PTBP3: variants seen among roughly 807,000 people sequenced by gnomAD.
The protein encoded by PTBP3 is polypyrimidine tract-binding protein 3.
PTBP3 carries 20 observed loss-of-function variants against 58.7 expected under a neutral mutation model. That is an observed-to-expected ratio of 0.34 (90% CI 0.24 to 0.50). The LOEUF (loss-of-function observed/expected upper bound fraction) is 0.50. Ranked by LOEUF, PTBP3 falls within the 20% of genes least tolerant of loss-of-function variation. The pLI is 0.98. For synonymous variants in PTBP3, 185 were observed against 219.8 expected (o/e 0.84, Z 1.40); for missense variants, 509 against 637.2 (o/e 0.80, Z 2.17).
chr9:112,243,386 CA>C (rs1489066233), intron 7 of PTBP3, among the ~76,000 whole-genome samples: 7 of 151,892 alleles, frequency 4.6e-5, no homozygotes, highest in South Asian at 4.2e-4. Context: ...ACTAAAAATT[CA>C]AAAAATTAGC....
chr9:112,258,392 T>C (rs1410160265), intron 5 of PTBP3, among the ~76,000 whole-genome samples: 2 of 152,190 alleles, frequency 1.3e-5, no homozygotes, highest in Non-Finnish European at 2.9e-5. Context: ...ACACCTACGC[T>C]GAAGGTTCCC....
At chr9:112,319,997 T>C (rs144439215) in intron 1 of PTBP3, among the ~76,000 whole-genome samples, 90 of 152,182 alleles carry the variant, frequency 5.9e-4, no homozygotes, top group Non-Finnish European at 1.1e-3. Flanking sequence ...GCTGAGAGTA[T>C]AATTGTGGTT....
intron 2 of PTBP3, among the ~76,000 whole-genome samples, chr9:112,293,361 G>C (rs539996536): frequency 2.0e-5 from 3 of 152,114 alleles, no homozygotes; most frequent in Non-Finnish European, 2.9e-5. Context: ...ACCAATTAGA[G>C]TACAAAAAGA....
chr9:112,287,280 T>C (rs1253982687), intron 2 of PTBP3, among the ~76,000 whole-genome samples: 1 of 152,086 alleles, frequency 6.6e-6, no homozygotes, highest in East Asian at 1.9e-4. Flanking sequence ...TATGTGTGTT[T>C]AGACTGCTTG....
rs147835624 is a variant in PTBP3 at position 112,283,258 on chromosome 9, T to C, written c.35-7245A>G. ...TTTGGAACTGGGTAATGGGCAGAGG[T>C]TGGAACAGTTTGGAGGGCTCAGAAG... On this transcript the variant is annotated intron_variant, in intron 2 of 13. Transcript: ENST00000374257. Among the ~76,000 whole-genome samples, 16 of 152,030 alleles carry C rather than the reference T, an allele frequency of 1.1e-4. No individual in the cohort carries two copies. The East Asian group carries it at 2.9e-3, about 28-fold the overall frequency.
intron 1 of PTBP3, among the ~76,000 whole-genome samples, chr9:112,328,779 T>C (rs940347306): frequency 6.6e-6 from 1 of 151,846 alleles, no homozygotes; most frequent in African/African-American, 2.4e-5. Flanking sequence ...GGTGACAGAG[T>C]TAAAAACAAA....
chr9:112,297,705 C>T (rs577437453), intron 2 of PTBP3, 127 bp downstream of exon 2: 36 of 702,220 alleles, frequency 5.1e-5, no homozygotes, highest in South Asian at 5.0e-4. Context: ...AGTACTTTAC[C>T]GAAACAAATT....
chr9:112,301,573 A>C (rs975830954), intron 1 of PTBP3, among the ~76,000 whole-genome samples: 3 of 152,220 alleles, frequency 2.0e-5, no homozygotes, highest in Non-Finnish European at 2.9e-5. Flanking sequence ...GATGGAAAAC[A>C]GATTAGTGGT....
At chr9:112,370,990 CATTT>C in the PTBP3 span, among the ~76,000 whole-genome samples, 1 of 151,900 alleles carries the variant, frequency 6.6e-6, no homozygotes, top group Non-Finnish European at 1.5e-5. Context: ...TTAGTAAATT[CATTT>C]ATTAGCTCTA....
chr9:112,220,873 T>A lies in PTBP3; in HGVS notation c.*2978A>T. 2 of 968,516 alleles carry A rather than the reference T, an allele frequency of 2.1e-6. No homozygotes were observed. Among genetic ancestry groups the A allele is most frequent in the Non-Finnish European group, 2.5e-6 (2 of 814,622 alleles). The allele number at this position is 968,516 out of a possible 1,614,324, so 60.0% of individuals were successfully genotyped here. A position where few individuals can be genotyped will look rare whatever the true frequency, so the allele number is the denominator to read the frequency against. ...AAGTGATGACAATACTCCTTAAAAATAAAATAAACTTAAAAATAGGATACT... is the reference window on the plus strand; with the variant it reads ...AAGTGATGACAATACTCCTTAAAAAAAAAATAAACTTAAAAATAGGATACT... On this transcript the variant is annotated 3_prime_UTR_variant, in exon 14 of 14. Transcript: ENST00000374257.
Position 112,251,088 on chromosome 9 carries a change from T to C in PTBP3, c.643A>G (p.Asn215Asp). The change falls in exon 7 of 14, where the codon AAT (asparagine) becomes GAT (aspartate). Residue 215 changes from asparagine (N) to aspartate (D), a missense_variant. Coordinates refer to ENST00000374257, the MANE Select transcript of PTBP3 (RefSeq NM_001163788.4). Reference sequence around the variant, plus strand: ...AGAGTGCAGCATGCATTATAGATATTCTGGCCATCCAGAGCCTAAAGCATG... The same window carrying C: ...AGAGTGCAGCATGCATTATAGATATCCTGGCCATCCAGAGCCTAAAGCATG... ...HYAKMALDGQ[N>D]IYNACCTLRI... 1 of 1,583,296 alleles carries C rather than the reference T, an allele frequency of 6.3e-7. No individual in the cohort carries two copies.
At chr9:112,307,801 G>T (rs1387514939) in intron 1 of PTBP3, among the ~76,000 whole-genome samples, 3 of 152,208 alleles carry the variant, frequency 2.0e-5, no homozygotes, top group Non-Finnish European at 2.9e-5. Context: ...TGTAAAAGAT[G>T]AGGAAAACAG....
intron 1 of PTBP3, among the ~76,000 whole-genome samples, chr9:112,305,260 CTTTTT>C (rs35187927): frequency 3.1e-5 from 4 of 130,136 alleles, no homozygotes; most frequent in Non-Finnish European, 4.9e-5. Flanking sequence ...CCTGAAAGGA[CTTTTT>C]TTTTTTTTTT....
chr9:112,301,472 CA>C (rs1828934593), intron 1 of PTBP3, among the ~76,000 whole-genome samples: 1 of 150,074 alleles, frequency 6.7e-6, no homozygotes, highest in Non-Finnish European at 1.5e-5. Context: ...AAAAAACAAA[CA>C]AAAAAACTAA....
intron 10 of PTBP3, among the ~76,000 whole-genome samples, chr9:112,229,035 G>C (rs1777961483): frequency 6.6e-6 from 1 of 152,066 alleles, no homozygotes; most frequent in Non-Finnish European, 1.5e-5. Context: ...TATCCTAAAG[G>C]ATGGGTAAAG....
rs762439122 is a variant in PTBP3, at chr9:112,312,324, C to CAACAAT, written c.-51-14414_-51-14409dup. Among the ~76,000 whole-genome samples the CAACAAT allele has an allele frequency of 1.7e-3, 252 of 151,362 alleles. 1 individual carries two copies. The highest frequency in any genetic ancestry group is 7.9e-3 in the South Asian group (38 of 4,800). ...ATAGTGAGACCCTGTATCTACAAAA[C>CAACAAT]AACAATAACAATAACAACAACAATT... On this transcript the variant is annotated intron_variant, in intron 1 of 13. Transcript: ENST00000374257.
intron 2 of PTBP3, among the ~76,000 whole-genome samples, chr9:112,289,322 T>C (rs1828275324): frequency 6.6e-6 from 1 of 152,184 alleles, no homozygotes; most frequent in African/African-American, 2.4e-5. Context: ...TTCTGTCTTC[T>C]ACATTGCTTA....
intron 1 of PTBP3, among the ~76,000 whole-genome samples, chr9:112,329,248 T>C (rs1318598204): frequency 6.6e-6 from 1 of 151,856 alleles, no homozygotes; most frequent in Non-Finnish European, 1.5e-5. Flanking sequence ...CCGTCTCTAT[T>C]AAAAATACAA....
intron 10 of PTBP3, among the ~76,000 whole-genome samples, chr9:112,228,839 A>G (rs368543657): frequency 9.7e-4 from 148 of 152,296 alleles, no homozygotes; most frequent in African/African-American, 3.3e-3. Context: ...CCACCCAATC[A>G]ATCACCAGCA....
Sources: gnomAD v4.1 joint callset for allele counts (sites outside exome capture counted in the v4.1 genomes callset) on GRCh38, gnomAD v4.1.1 for gene constraint, MANE v1.5 for transcripts, NCBI Gene and HGNC (gene_info 2026-07-23, HGNC 2026-07-21) for gene names.